The following DTNA variants were observed in gnomAD, a reference collection of about 807,000 sequenced individuals.
DTNA encodes dystrophin-related protein 3.
In DTNA, 43 loss-of-function variants were observed where a neutral mutation model predicts 100.7. That is an observed-to-expected ratio of 0.43 (90% CI 0.33 to 0.55). DTNA has a LOEUF of 0.55. Among genes scored for constraint, DTNA ranks in the 20% least tolerant of loss-of-function variants. The pLI is 0.04. For missense variants in DTNA, 798 were observed against 953.9 expected (o/e 0.84, Z 2.15); for synonymous variants, 349 against 347.9 (o/e 1.00, Z -0.04).
At chr18:34,621,746 G>T (rs1443588179) in intron 1 of DTNA, among the ~76,000 whole-genome samples, 1 of 152,138 alleles carries the variant, frequency 6.6e-6, no homozygotes, top group Admixed American at 6.5e-5. Flanking sequence ...GAACTCTATT[G>T]TACAACATAG....
chr18:34,604,915 A>T (rs929154143), intron 1 of DTNA, among the ~76,000 whole-genome samples: 4 of 152,136 alleles, frequency 2.6e-5, no homozygotes, highest in African/African-American at 7.2e-5. Context: ...ATTCTCAGAG[A>T]GTATGCTTTC....
intron 1 of DTNA, among the ~76,000 whole-genome samples, chr18:34,641,260 A>T (rs2059249543): frequency 6.6e-6 from 1 of 152,224 alleles, no homozygotes; most frequent in Non-Finnish European, 1.5e-5. Context: ...AACTATTAAT[A>T]ATGTGATAAC....
chr18:34,793,733 A>T (rs552840033), intron 3 of DTNA, among the ~76,000 whole-genome samples: 6 of 152,276 alleles, frequency 3.9e-5, no homozygotes, highest in Non-Finnish European at 8.8e-5. Context: ...TTGTCAGTTC[A>T]GTTTCCAGAT....
chr18:34,748,080 T>C (rs1277155307), intron 1 of DTNA, among the ~76,000 whole-genome samples: 1 of 152,236 alleles, frequency 6.6e-6, no homozygotes, highest in African/African-American at 2.4e-5. Flanking sequence ...TTTTTTCATA[T>C]GTTTGTTGGC....
chr18:34,761,096 T>G (rs2093129071), intron 2 of DTNA, among the ~76,000 whole-genome samples: 1 of 151,750 alleles, frequency 6.6e-6, no homozygotes, highest in Non-Finnish European at 1.5e-5. Flanking sequence ...TCTTTCTCTC[T>G]CTCAGTATCT....
At chr18:34,515,105 C>A (rs150638299) in intron 1 of DTNA, among the ~76,000 whole-genome samples, 152 of 152,136 alleles carry the variant, frequency 1.0e-3, no homozygotes, top group African/African-American at 3.5e-3. Flanking sequence ...CAGAATATTG[C>A]AAAACAGCTG....
chr18:34,692,920 C>T (rs551137235), intron 1 of DTNA, among the ~76,000 whole-genome samples: 5 of 152,080 alleles, frequency 3.3e-5, no homozygotes, highest in Non-Finnish European at 4.4e-5. Flanking sequence ...TAATTATAAA[C>T]GAATTTCTTT....
At chr18:34,841,274 G>C (rs115662006) in intron 13 of DTNA, among the ~76,000 whole-genome samples, 1 of 152,086 alleles carries the variant, frequency 6.6e-6, no homozygotes, top group Non-Finnish European at 1.5e-5. Flanking sequence ...ATCAACACAC[G>C]CCTTTCAGGA....
intron 1 of DTNA, among the ~76,000 whole-genome samples, chr18:34,497,493 AAC>A (rs1404345606): frequency 3.3e-5 from 5 of 152,202 alleles, no homozygotes; most frequent in South Asian, 4.1e-4. Context: ...GGAAAAATGA[AAC>A]ACAACGGGGA....
intron 1 of DTNA, among the ~76,000 whole-genome samples, chr18:34,716,124 T>A (rs1157988233): frequency 6.6e-6 from 1 of 152,222 alleles, no homozygotes; most frequent in Non-Finnish European, 1.5e-5. Flanking sequence ...ACAGTTCTAC[T>A]ACTAGGAATA....
intron 4 of DTNA, among the ~76,000 whole-genome samples, chr18:34,797,171 G>T (rs971331467): frequency 6.6e-6 from 1 of 152,132 alleles, no homozygotes; most frequent in Admixed American, 6.6e-5. Flanking sequence ...GAGTCCAGAA[G>T]ATTTTTGTTT....
chr18:34,690,099 G>A (rs74985847), intron 1 of DTNA, among the ~76,000 whole-genome samples: 2,632 of 152,264 alleles, frequency 0.017, 41 homozygotes, highest in Non-Finnish European at 0.026. Flanking sequence ...GGTGGGATCC[G>A]CTGAGCAAGA....
rs146163118 is a variant in DTNA, at chr18:34,533,291, G to C, written c.-2+39777G>C. ...GGAGGCTGAGGCAGGAGAAACACTT[G>C]AACCCGGGAGGCGAGGTTACAGTGA... On this transcript the variant is annotated intron_variant, in intron 1 of 19. Coordinates refer to the DTNA transcript ENST00000283365. Among the ~76,000 whole-genome samples, 437 of 151,104 alleles carry C rather than the reference G, an allele frequency of 2.9e-3. 2 individuals are homozygous for C. Among genetic ancestry groups the C allele is most frequent in the African/African-American group, 0.01 (415 of 40,976 alleles).
At chr18:34,514,468 C>T (rs571696482) in intron 1 of DTNA, among the ~76,000 whole-genome samples, 38 of 152,198 alleles carry the variant, frequency 2.5e-4, no homozygotes, top group Non-Finnish European at 3.1e-4. Flanking sequence ...ACACATAAGG[C>T]TCATGGTGAA....
intron 2 of DTNA, among the ~76,000 whole-genome samples, chr18:34,761,185 G>C (rs910272810): frequency 6.6e-6 from 1 of 151,700 alleles, no homozygotes. Context: ...CAATGATAAA[G>C]CGTGGCAGAG....
chr18:34,730,649 C>T (rs1186055076), intron 1 of DTNA, among the ~76,000 whole-genome samples: 1 of 152,196 alleles, frequency 6.6e-6, no homozygotes, highest in Non-Finnish European at 1.5e-5. Flanking sequence ...CTTCCTAGCC[C>T]CTTGAGGGCT....
intron 11 of DTNA, among the ~76,000 whole-genome samples, chr18:34,829,710 C>T (rs1225000807): frequency 6.6e-6 from 1 of 152,106 alleles, no homozygotes; most frequent in Non-Finnish European, 1.5e-5. Flanking sequence ...TAGCCTCATA[C>T]CGGTATATAA....
chr18:34,507,053 T>C (rs921966818), intron 1 of DTNA, among the ~76,000 whole-genome samples: 10 of 152,110 alleles, frequency 6.6e-5, no homozygotes, highest in African/African-American at 2.2e-4. Context: ...AATCCTCAAG[T>C]GGTGTTGCAG....
At chr18:34,510,283 T>A (rs540366591) in intron 1 of DTNA, among the ~76,000 whole-genome samples, 2 of 152,146 alleles carry the variant, frequency 1.3e-5, no homozygotes, top group East Asian at 3.9e-4. Flanking sequence ...TCTATTTTGT[T>A]TTTGTGTGTG....
Sources: allele counts gnomAD v4.1 joint callset (sites outside exome capture counted in the v4.1 genomes callset), GRCh38; gene constraint gnomAD v4.1.1; transcripts MANE v1.5; gene names NCBI Gene and HGNC (gene_info 2026-07-23, HGNC 2026-07-21).